The following FBXO32 variants were observed in gnomAD, a reference collection of about 807,000 sequenced individuals.
FBXO32 encodes the protein F-box only protein 32.
Under a neutral mutation model 48.3 loss-of-function variants are expected in FBXO32, and 15 were observed. That is an observed-to-expected ratio of 0.31 (90% confidence interval 0.21 to 0.48). The LOEUF (loss-of-function observed/expected upper bound fraction) is 0.48. Ranked by LOEUF, FBXO32 falls within the 20% of genes least tolerant of loss-of-function variation. The probability of loss-of-function intolerance (pLI) is 0.99; values close to 1 mark genes in which losing one functional copy is unlikely to be tolerated. For missense variants in FBXO32, 309 were observed against 432.7 expected, an observed-to-expected ratio of 0.71 and a Z score of 2.54; for synonymous variants, 154 against 165.9, an observed-to-expected ratio of 0.93 and a Z score of 0.55.
intron 4 of FBXO32, among the ~76,000 whole-genome samples, chr8:123,527,818 C>T (rs1817117636): frequency 6.6e-6 from 1 of 152,070 alleles, no homozygotes; most frequent in Admixed American, 6.6e-5. Flanking sequence ...CCTAGATTTA[C>T]AGTTTAGAGA....
At chr8:123,537,517 A>T (rs1420898041) in intron 1 of FBXO32, among the ~76,000 whole-genome samples, 1 of 152,208 alleles carries the variant, frequency 6.6e-6, no homozygotes, top group Non-Finnish European at 1.5e-5. Context: ...AAAAAAATAA[A>T]GCCCTATTTC....
In FBXO32 at chr8:123,540,081, G is replaced by A. The variant is rs1054518646; in HGVS notation, c.116+818C>T. Among the ~76,000 whole-genome samples, 1 of 152,182 alleles carries A rather than the reference G, an allele frequency of 6.6e-6. No homozygotes were observed. The highest frequency in any genetic ancestry group is 1.5e-5 in the Non-Finnish European group (1 of 68,036). On this transcript the variant is annotated intron_variant, in intron 1 of 8. Coordinates refer to ENST00000517956, the MANE Select transcript of FBXO32 (RefSeq NM_058229.4). The surrounding 1 kb of genome is among the most constrained non-coding windows in gnomAD (Gnocchi z 6.4). Reference sequence around the variant, plus strand: ...GTTTCCCGCCAGACCACAGAGCTCAGGTGAGGCCTCGAATCCAGAGGCTCA... The same window carrying A: ...GTTTCCCGCCAGACCACAGAGCTCAAGTGAGGCCTCGAATCCAGAGGCTCA...
At chr8:123,526,829 T>C (rs1563925036) in intron 4 of FBXO32, among the ~76,000 whole-genome samples, 1 of 152,204 alleles carries the variant, frequency 6.6e-6, no homozygotes, top group Admixed American at 6.5e-5. Context: ...CTTCTCAGGC[T>C]ATCAGTCAGA....
chr8:123,516,677 G>A (rs979994195), intron 4 of FBXO32, among the ~76,000 whole-genome samples: 60 of 152,038 alleles, frequency 3.9e-4, no homozygotes, highest in African/African-American at 1.4e-3. Context: ...TTTCCTGAAT[G>A]TAATTTTACT....
At chr8:123,517,979 C>A (rs754028180) in intron 4 of FBXO32, among the ~76,000 whole-genome samples, 81 of 152,156 alleles carry the variant, frequency 5.3e-4, no homozygotes, top group Non-Finnish European at 9.6e-4. Context: ...GCCACGTGGT[C>A]TCTGTAGCAA....
chr8:123,539,156 C>T (rs567568935), intron 1 of FBXO32, among the ~76,000 whole-genome samples: 1 of 152,264 alleles, frequency 6.6e-6, no homozygotes, highest in South Asian at 2.1e-4. Flanking sequence ...TAATACGACC[C>T]TACATTTTAA....
In FBXO32 at chr8:123,502,226, G is replaced by A. The variant is rs1044091547; in HGVS notation, c.*1147C>T. On this transcript the variant is annotated 3_prime_UTR_variant, in exon 9 of 9. Coordinates refer to ENST00000517956, the MANE Select transcript of FBXO32 (RefSeq NM_058229.4). The stretch of plus-strand genomic sequence containing the variant: ...TCCTCAGCTCATCCCCTTGGCAAGG[G>A]GTACAGCAACTGGTAAGATGTTTAA... The A allele has an allele frequency of 6.6e-6, 1 of 152,230 alleles. No individual in the cohort carries two copies. Among genetic ancestry groups the A allele is most frequent in the Admixed American group, 6.5e-5 (1 of 15,280 alleles). 9.4% of individuals were successfully genotyped at this position (152,230 alleles called of 1,614,324 possible). A position where few individuals can be genotyped will look rare whatever the true frequency, so the allele number is the denominator to read the frequency against.
intron 4 of FBXO32, among the ~76,000 whole-genome samples, chr8:123,516,100 G>A (rs982861858): frequency 6.6e-6 from 1 of 152,210 alleles, no homozygotes; most frequent in Admixed American, 6.5e-5. Context: ...GATGAGCAAA[G>A]CGAGGCTCAA....
intron 4 of FBXO32, chr8:123,527,076 CTCCTT>C (rs1296012800): frequency 2.6e-5 from 4 of 152,174 alleles, no homozygotes; most frequent in African/African-American, 9.7e-5. Context: ...AAACATTATA[CTCCTT>C]TCAATTTTTT....
rs1817020228 is a variant in FBXO32, at chr8:123,524,066, CTTAAG to C, written c.372+7827_372+7831del. 2.0e-5 allele frequency among the ~76,000 whole-genome samples: 3 copies of C among 152,144 alleles called. No homozygotes were observed. In the South Asian group the frequency reaches 6.2e-4, roughly 32 times the overall value. ...AATATGCATAAATTGAGAGTGCATG[CTTAAG>C]TTATTTTATACTATTAGGAGTCTAT... is the stretch of plus-strand genomic sequence containing the variant. On this transcript the variant is annotated intron_variant, in intron 4 of 8. Transcript: ENST00000517956.
Position 123,540,974 on chromosome 8 carries a change from T to C in FBXO32, c.41A>G (p.Asn14Ser), listed in dbSNP as rs770583591. Residue 14 changes from asparagine (N) to serine (S), a missense_variant, in exon 1 of 9, where the codon AAC becomes AGC. Physicochemically the swap from Asn to Ser is conservative, Grantham distance 46 (BLOSUM62 1). Coordinates refer to ENST00000517956, the MANE Select transcript of FBXO32 (RefSeq NM_058229.4). The surrounding 1 kb of genome is among the most constrained non-coding windows in gnomAD (Gnocchi z 6.4). ...LGQDWRSPGQ[N>S]WVKTADGWKR... ...CCAGCCGTCGGCCGTCTTCACCCAG[T>C]TCTGCCCGGGGGACCGCCAGTCCTG... 18 of 1,613,112 alleles carry C rather than the reference T, an allele frequency of 1.1e-5. No homozygotes were observed. In the Admixed American group the frequency reaches 1.5e-4, roughly 13 times the overall value.
At chr8:123,534,663 C>G (rs376267248) in intron 2 of FBXO32, 39 bp downstream of exon 2, 50 of 1,389,380 alleles carry the variant, frequency 3.6e-5, no homozygotes, top group Non-Finnish European at 5.0e-5. Context: ...TAACTATCTT[C>G]AAACAGCTTT....
At position 123,540,799 on chromosome 8, in the gene FBXO32, C is replaced by T; in HGVS notation, c.116+100G>A. The T allele has an allele frequency of 2.0e-6, 2 of 1,020,792 alleles. No homozygotes were observed. The highest frequency in any genetic ancestry group is 1.4e-5 in the South Asian group (1 of 71,910). The allele number at this position is 1,020,792 out of a possible 1,614,324, so 63.2% of individuals were successfully genotyped here. A position where few individuals can be genotyped will look rare whatever the true frequency, so the allele number is the denominator to read the frequency against. On this transcript the variant is annotated intron_variant, in intron 1 of 8. Transcript: ENST00000517956. This position sits in a 1 kb window ranked among gnomAD's most constrained non-coding sequence, Gnocchi z 6.4. ...CGGGTCAGGGTCTCCCTCCTCAGCC[C>T]GCTCCAGCCCTGCCTGCCCCTCATT...
chr8:123,512,567 T>C (rs961551601), intron 6 of FBXO32, among the ~76,000 whole-genome samples: 3 of 149,766 alleles, frequency 2.0e-5, no homozygotes, highest in African/African-American at 7.4e-5. Context: ...TTGGTCCTCC[T>C]GCTCACTATT....
At chr8:123,512,744 G>GTCAT (rs1816760544) in intron 6 of FBXO32, among the ~76,000 whole-genome samples, 1 of 151,992 alleles carries the variant, frequency 6.6e-6, no homozygotes, top group Non-Finnish European at 1.5e-5. Context: ...GGCTTCCTTT[G>GTCAT]TCATAACTAC....
At chr8:123,523,441 T>G (rs1817002762) in intron 4 of FBXO32, among the ~76,000 whole-genome samples, 1 of 152,086 alleles carries the variant, frequency 6.6e-6, no homozygotes, top group Non-Finnish European at 1.5e-5. Flanking sequence ...AATACATAAA[T>G]TAGCCGGGCA....
Position 123,512,882 on chromosome 8 carries a change from A to G in FBXO32, c.651+316T>C, listed in dbSNP as rs577419236. Among the ~76,000 whole-genome samples, 26 of 152,282 alleles carry G rather than the reference A, an allele frequency of 1.7e-4. No individual in the cohort carries two copies. The South Asian group carries it at 5.4e-3, about 32-fold the overall frequency. On this transcript the variant is annotated intron_variant, in intron 6 of 8. Coordinates refer to ENST00000517956, the MANE Select transcript of FBXO32 (RefSeq NM_058229.4). ...CTCATGCTTTAGGAGGAAATGAGCA[A>G]AGAGACATCTCTGAACCCCGCTAAA...
In FBXO32 at chr8:123,540,262, C is replaced by T. The variant is rs892015048; in HGVS notation, c.116+637G>A. Among the ~76,000 whole-genome samples, 7 of 152,224 alleles carry T rather than the reference C, an allele frequency of 4.6e-5. No homozygotes were observed. The highest frequency in any genetic ancestry group is 1.0e-4 in the Non-Finnish European group (7 of 68,032). ...TCTTGTGGGATTCATCCCCTGCCCC[C>T]TTCCCTCCTTTGCACCTCTGCAGCC... On this transcript the variant is annotated intron_variant, in intron 1 of 8. Transcript: ENST00000517956. The surrounding 1 kb of genome is among the most constrained non-coding windows in gnomAD (Gnocchi z 6.4).
intron 4 of FBXO32, among the ~76,000 whole-genome samples, chr8:123,529,760 G>GT (rs766372702): frequency 3.3e-5 from 5 of 152,144 alleles, no homozygotes; most frequent in Admixed American, 6.5e-5. Flanking sequence ...ATTTTAAAGG[G>GT]TTATTGAAAA....
Sources: gnomAD v4.1 joint callset for allele counts (sites outside exome capture counted in the v4.1 genomes callset) on GRCh38, gnomAD v4.1.1 for gene constraint, Gnocchi (gnomAD v3.1) non-coding constraint, MANE v1.5 for transcripts, NCBI Gene and HGNC (gene_info 2026-07-23, HGNC 2026-07-21) for gene names.